Variants in SPATA16 observed in about 807,000 individuals in gnomAD.
The protein encoded by SPATA16 is spermatogenesis-associated protein 16.
A neutral mutation model predicts 63.3 loss-of-function variants in SPATA16; 36 were observed. The observed-to-expected ratio is 0.57, with a 90% CI of 0.44 to 0.75. SPATA16 has a LOEUF of 0.75. SPATA16 is among the 30% of genes least tolerant of loss of function. The pLI is 0.00. For synonymous variants in SPATA16, 203 were observed against 216.7 expected, an observed-to-expected ratio of 0.94 and a Z score of 0.56; for missense variants, 646 against 679.3, an observed-to-expected ratio of 0.95 and a Z score of 0.54.
intron 4 of SPATA16, among the ~76,000 whole-genome samples, chr3:173,013,579 C>T (rs191824381): frequency 1.1e-4 from 17 of 152,252 alleles, no homozygotes; most frequent in African/African-American, 2.6e-4. Flanking sequence ...GATACAGAGG[C>T]GGGACAAAGA....
intron 6 of SPATA16, among the ~76,000 whole-genome samples, chr3:172,939,730 A>G (rs1247658031): frequency 6.6e-6 from 1 of 152,170 alleles, no homozygotes; most frequent in Non-Finnish European, 1.5e-5. Flanking sequence ...AAATTTCCTG[A>G]GTGATAGGAG....
In SPATA16 at chr3:172,956,666, T is replaced by C; in HGVS notation, c.1081+11A>G. 1.2e-6 allele frequency: 2 copies of C among 1,608,902 alleles called. No individual in the cohort carries two copies. The highest frequency in any genetic ancestry group is 8.5e-7 in the Non-Finnish European group (1 of 1,177,952). On this transcript the variant is annotated intron_variant, in intron 6 of 10. Transcript: ENST00000351008. ...AATATCAGCTGATAACTTGAAGATA[T>C]TGAATCTTACCTGTGTACATATACT...
At chr3:173,134,481 T>A (rs1264261753) in intron 1 of SPATA16, among the ~76,000 whole-genome samples, 1 of 151,368 alleles carries the variant, frequency 6.6e-6, no homozygotes, top group Non-Finnish European at 1.5e-5. Context: ...AGAGCAAGAC[T>A]CTGCCTCAAA....
At chr3:172,912,444 G>A (rs115150820) in intron 10 of SPATA16, among the ~76,000 whole-genome samples, 2,935 of 152,166 alleles carry the variant, frequency 0.019, 30 homozygotes, top group Middle Eastern at 0.058. Flanking sequence ...CTGACAGTCA[G>A]TTTCTGGGTT....
chr3:173,071,064 C>G (rs1283881497), intron 2 of SPATA16, among the ~76,000 whole-genome samples: 2 of 152,128 alleles, frequency 1.3e-5, no homozygotes, highest in East Asian at 1.9e-4. Flanking sequence ...TCAAATTATA[C>G]TAGAAAGCTA....
At chr3:172,990,994 A>G (rs1056375107) in intron 4 of SPATA16, among the ~76,000 whole-genome samples, 4 of 152,248 alleles carry the variant, frequency 2.6e-5, no homozygotes, top group Admixed American at 1.3e-4. Flanking sequence ...GGCAAAAGAA[A>G]ACAAAGGGCA....
intron 6 of SPATA16, among the ~76,000 whole-genome samples, chr3:172,951,496 TA>T (rs58045759): frequency 0.074 from 11,006 of 148,346 alleles, 1,217 homozygotes; most frequent in African/African-American, 0.25. Flanking sequence ...TTTGATAATT[TA>T]AAAAAAAAAA....
intron 3 of SPATA16, among the ~76,000 whole-genome samples, chr3:173,046,357 G>A (rs1735955337): frequency 6.6e-6 from 1 of 151,946 alleles, no homozygotes; most frequent in Non-Finnish European, 1.5e-5. Context: ...TTGTATCATT[G>A]ACTATTTTAG....
At chr3:173,111,598 A>G (rs1173972065) in intron 2 of SPATA16, among the ~76,000 whole-genome samples, 2 of 152,220 alleles carry the variant, frequency 1.3e-5, no homozygotes, top group African/African-American at 2.4e-5. Context: ...TATTTAAATT[A>G]AGCTTTCTGA....
chr3:172,928,058 C>T (rs141418418), intron 6 of SPATA16, among the ~76,000 whole-genome samples: 4,626 of 152,022 alleles, frequency 0.03, 105 homozygotes, highest in South Asian at 0.1. Context: ...TACAGGCACG[C>T]GCCACCACAC....
At chr3:173,075,682 A>T (rs186176101) in intron 2 of SPATA16, among the ~76,000 whole-genome samples, 1 of 152,294 alleles carries the variant, frequency 6.6e-6, no homozygotes, top group East Asian at 1.9e-4. Flanking sequence ...AGAAAGACAA[A>T]TATCACAGGT....
chr3:173,030,646 C>A (rs1413631335), intron 3 of SPATA16, among the ~76,000 whole-genome samples: 1 of 151,870 alleles, frequency 6.6e-6, no homozygotes, highest in Non-Finnish European at 1.5e-5. Context: ...AAATGATGCA[C>A]CCACTATAGA....
intron 8 of SPATA16, among the ~76,000 whole-genome samples, chr3:172,916,724 A>G (rs1732499118): frequency 6.6e-6 from 1 of 152,164 alleles, no homozygotes; most frequent in South Asian, 2.1e-4. Context: ...ATTGTCTTGC[A>G]TTAGGGAGCT....
chr3:173,119,589 T>C (rs1039362123), intron 1 of SPATA16, among the ~76,000 whole-genome samples: 7 of 152,234 alleles, frequency 4.6e-5, no homozygotes, highest in African/African-American at 1.4e-4. Flanking sequence ...AGCTAAATCC[T>C]AGAATATTTC....
chr3:173,012,577 C>T (rs961652069), intron 4 of SPATA16, among the ~76,000 whole-genome samples: 7 of 152,118 alleles, frequency 4.6e-5, no homozygotes, highest in African/African-American at 1.4e-4. Context: ...TACAAAAACA[C>T]ACACAGAGAC....
At chr3:172,895,016 G>T (rs1217496567) in intron 10 of SPATA16, among the ~76,000 whole-genome samples, 2 of 152,140 alleles carry the variant, frequency 1.3e-5, no homozygotes, top group Non-Finnish European at 2.9e-5. Flanking sequence ...ATTAATTTTG[G>T]TAAGATTTAT....
chr3:173,116,711 T>C (rs889887672), intron 2 of SPATA16, among the ~76,000 whole-genome samples: 5 of 152,188 alleles, frequency 3.3e-5, no homozygotes, highest in African/African-American at 1.2e-4. Context: ...GGATACTACA[T>C]ATCAAAAGTG....
chr3:173,088,052 TTCTTTCTTTC>T (rs1737114734), intron 2 of SPATA16, among the ~76,000 whole-genome samples: 1 of 142,682 alleles, frequency 7.0e-6, no homozygotes, highest in African/African-American at 2.6e-5. Context: ...CTTTCTTTCT[TTCTTTCTTTC>T]TTTCTTTCTT....
At chr3:173,012,270 A>G (rs1289667221) in intron 4 of SPATA16, among the ~76,000 whole-genome samples, 2 of 152,216 alleles carry the variant, frequency 1.3e-5, no homozygotes, top group African/African-American at 2.4e-5. Context: ...ACTGAGATAA[A>G]TCATAGATGG....
Sources: allele counts gnomAD v4.1 joint callset (sites outside exome capture counted in the v4.1 genomes callset), GRCh38; gene constraint gnomAD v4.1.1; transcripts MANE v1.5; gene names NCBI Gene and HGNC (gene_info 2026-07-23, HGNC 2026-07-21).